Variants in NLN observed in about 807,000 individuals in gnomAD.
NLN encodes neurolysin.
In NLN, 64 loss-of-function variants were observed where a neutral mutation model predicts 79.9. The ratio of observed to expected loss-of-function variants is 0.80; its 90% CI spans 0.65 to 0.99. The LOEUF is 0.99. NLN is among the 50% of genes least tolerant of loss of function. The pLI, the probability that NLN is intolerant of heterozygous loss-of-function variation, is 0.00. For missense variants in NLN, 835 were observed against 858.7 expected, an observed-to-expected ratio of 0.97 and a Z score of 0.34; for synonymous variants, 267 against 296.6, an observed-to-expected ratio of 0.90 and a Z score of 1.02.
intron 1 of NLN, among the ~76,000 whole-genome samples, chr5:65,757,867 G>T (rs556721548): frequency 6.6e-6 from 1 of 151,960 alleles, no homozygotes; most frequent in African/African-American, 2.4e-5. Flanking sequence ...ATGTTTCCTC[G>T]CTAAACTTGC....
intron 7 of NLN, among the ~76,000 whole-genome samples, chr5:65,786,279 G>A (rs1479408998): frequency 2.0e-5 from 3 of 151,922 alleles, no homozygotes; most frequent in South Asian, 2.1e-4. Flanking sequence ...CAAATATGAC[G>A]TACATAAAAA....
At chr5:65,747,899 C>G (rs1327796945) in intron 1 of NLN, among the ~76,000 whole-genome samples, 1 of 151,984 alleles carries the variant, frequency 6.6e-6, no homozygotes, top group Non-Finnish European at 1.5e-5. Context: ...CAGAGTGGAG[C>G]CTGCCAAAGT....
At position 65,827,278 on chromosome 5, in the gene NLN, A is replaced by G. The variant is rs965134794; in HGVS notation, c.*4363A>G. 2 of 152,192 alleles carry G rather than the reference A, an allele frequency of 1.3e-5. No homozygotes were observed. The highest frequency in any genetic ancestry group is 4.8e-5 in the African/African-American group (2 of 41,452). 9.4% of individuals were successfully genotyped at this position (152,192 alleles called of 1,614,324 possible). A position where few individuals can be genotyped will look rare whatever the true frequency, so the allele number is the denominator to read the frequency against. On this transcript the variant is annotated 3_prime_UTR_variant, in exon 13 of 13. Coordinates refer to ENST00000380985, the MANE Select transcript of NLN (RefSeq NM_020726.5). ...CCCTTTCCTGAGAAAATACAGGTTCAACACATCTAGTCCACGATGTACGTA... is the reference window on the plus strand; with the variant it reads ...CCCTTTCCTGAGAAAATACAGGTTCGACACATCTAGTCCACGATGTACGTA...
chr5:65,733,207 A>C, intron 1 of NLN: 1 of 1,499,104 alleles, frequency 6.7e-7, no homozygotes, highest in Non-Finnish European at 9.1e-7. Context: ...AAGGAGCTGC[A>C]TCTGATTCAT....
intron 12 of NLN, among the ~76,000 whole-genome samples, chr5:65,820,900 A>G (rs2561189): frequency 0.71 from 107,607 of 151,292 alleles, 38,526 homozygotes; most frequent in African/African-American, 0.78. Flanking sequence ...AAAATGAGCC[A>G]GGTGTGGTGG....
intron 1 of NLN, among the ~76,000 whole-genome samples, chr5:65,751,722 C>A (rs252623): frequency 6.6e-6 from 1 of 151,956 alleles, no homozygotes; most frequent in African/African-American, 2.4e-5. Flanking sequence ...ACAAAAGTCT[C>A]AAGGCAATAA....
At chr5:65,782,360 T>C (rs1162844947) in intron 6 of NLN, among the ~76,000 whole-genome samples, 3 of 152,206 alleles carry the variant, frequency 2.0e-5, no homozygotes, top group Non-Finnish European at 4.4e-5. Flanking sequence ...ACTTACGATA[T>C]CTTTGGTAAT....
intron 1 of NLN, among the ~76,000 whole-genome samples, chr5:65,739,638 G>T (rs933145650): frequency 6.6e-6 from 1 of 152,114 alleles, no homozygotes; most frequent in Non-Finnish European, 1.5e-5. Context: ...CTAACAGTGT[G>T]TGCGGGTTCC....
At chr5:65,811,067 T>G (rs1283948401) in intron 11 of NLN, among the ~76,000 whole-genome samples, 1 of 152,250 alleles carries the variant, frequency 6.6e-6, no homozygotes, top group Non-Finnish European at 1.5e-5. Flanking sequence ...ACTAGCAGTT[T>G]GTAATCTGAG....
At chr5:65,798,412 A>T (rs1231765793) in intron 9 of NLN, among the ~76,000 whole-genome samples, 1 of 152,226 alleles carries the variant, frequency 6.6e-6, no homozygotes, top group Non-Finnish European at 1.5e-5. Context: ...AATGTGTTGG[A>T]TGGGCTTCCT....
chr5:65,807,014 T>C (rs1760426831), intron 9 of NLN, among the ~76,000 whole-genome samples: 1 of 151,834 alleles, frequency 6.6e-6, no homozygotes, highest in Admixed American at 6.6e-5. Context: ...CCATCTCTAC[T>C]AAAAATACAA....
At chr5:65,725,947 C>G (rs1758457569) in intron 1 of NLN, among the ~76,000 whole-genome samples, 2 of 152,068 alleles carry the variant, frequency 1.3e-5, no homozygotes, top group African/African-American at 2.4e-5. Context: ...CCTGTCTCTA[C>G]TGAAAATACA....
In NLN at chr5:65,787,210, AACTC is replaced by A. The variant is rs934799374; in HGVS notation, c.959-899_959-896del. ...GAGTCCAGCCTGGGCAACATAGCAA[AACTC>A]ACTCACTCTCTCTCTCTCTCTTTAT... is the stretch of plus-strand genomic sequence containing the variant. On this transcript the variant is annotated intron_variant, in intron 7 of 12. Coordinates refer to ENST00000380985, the MANE Select transcript of NLN (RefSeq NM_020726.5). Among the ~76,000 whole-genome samples, 14 of 152,036 alleles carry A rather than the reference AACTC, an allele frequency of 9.2e-5. No individual in the cohort carries two copies. The East Asian group carries it at 9.7e-4, about 11-fold the overall frequency.
intron 3 of NLN, among the ~76,000 whole-genome samples, chr5:65,764,994 C>T (rs566321626): frequency 3.9e-5 from 6 of 152,158 alleles, no homozygotes; most frequent in Admixed American, 2.6e-4. Flanking sequence ...TTATCCCATT[C>T]GTACCTAAAG....
In NLN at chr5:65,788,475, T is replaced by A; in HGVS notation, c.1316T>A (p.Leu439His). ...GEVLGQFYLD[L>H]YPREGKYNHA... ...GTATTGGGACAGTTCTATTTGGACC[T>A]CTATCCAAGGTACTGAGGATCACGT... Residue 439 changes from leucine to histidine, a missense_variant, in exon 8 of 13, where the codon CTC becomes CAC. Physicochemically the swap from Leu to His is moderately conservative, Grantham distance 99. Transcript: ENST00000380985. 6.2e-7 allele frequency: 1 copy of A among 1,613,006 alleles called. No homozygotes were observed. Among genetic ancestry groups the A allele is most frequent in the Non-Finnish European group, 8.5e-7 (1 of 1,179,122 alleles).
intron 1 of NLN, among the ~76,000 whole-genome samples, chr5:65,734,821 A>G (rs1758692861): frequency 6.6e-6 from 1 of 152,220 alleles, no homozygotes; most frequent in Admixed American, 6.5e-5. Context: ...TAACTATTCT[A>G]ACACTGAGAT....
intron 3 of NLN, among the ~76,000 whole-genome samples, chr5:65,772,762 G>T (rs1759595339): frequency 1.3e-5 from 2 of 149,484 alleles, no homozygotes; most frequent in Non-Finnish European, 3.0e-5. Flanking sequence ...ACAGGGTCTG[G>T]CTCTGTCACC....
chr5:65,757,291 A>G (rs1315241138), intron 1 of NLN, among the ~76,000 whole-genome samples: 1 of 152,202 alleles, frequency 6.6e-6, no homozygotes, highest in East Asian at 1.9e-4. Context: ...GGATCCTGTA[A>G]GATAATAGAA....
intron 1 of NLN, among the ~76,000 whole-genome samples, chr5:65,737,315 A>G (rs1339883188): frequency 6.6e-6 from 1 of 152,124 alleles, no homozygotes; most frequent in Non-Finnish European, 1.5e-5. Context: ...TGGTAACATC[A>G]TCTTAGCTTT....
Sources: allele counts gnomAD v4.1 joint callset (sites outside exome capture counted in the v4.1 genomes callset), GRCh38; gene constraint gnomAD v4.1.1; transcripts MANE v1.5; gene names NCBI Gene and HGNC (gene_info 2026-07-23, HGNC 2026-07-21).